Variants in REDIC1 observed in about 807,000 individuals in gnomAD.
REDIC1 encodes the protein HEI10 Interacting Protein 1.
the REDIC1 span, chr12:39,692,274 AT>A: frequency 3.2e-6 from 2 of 619,162 alleles, no homozygotes; most frequent in Admixed American, 4.2e-5. Flanking sequence ...TTACTTTTAT[AT>A]TTTATTAAAT....
the REDIC1 span, among the ~76,000 whole-genome samples, chr12:39,724,618 T>C: frequency 6.6e-6 from 1 of 152,112 alleles, no homozygotes; most frequent in East Asian, 1.9e-4. Flanking sequence ...TTATGACAAG[T>C]AGATGGATGA....
the REDIC1 span, among the ~76,000 whole-genome samples, chr12:39,697,085 T>C: frequency 6.6e-6 from 1 of 151,554 alleles, no homozygotes; most frequent in African/African-American, 2.4e-5. Flanking sequence ...CTCCTAAAGA[T>C]CAAGAATAAA....
the REDIC1 span, among the ~76,000 whole-genome samples, chr12:39,811,193 C>A: frequency 6.6e-6 from 1 of 151,994 alleles, no homozygotes; most frequent in African/African-American, 2.4e-5. Context: ...AAAGTTGGGT[C>A]TCCTTTTCTC....
the REDIC1 span, among the ~76,000 whole-genome samples, chr12:39,855,978 C>G: frequency 6.6e-6 from 1 of 152,176 alleles, no homozygotes. Flanking sequence ...CAGAGACCTG[C>G]AGGCTTGAAC....
the REDIC1 span, among the ~76,000 whole-genome samples, chr12:39,691,554 C>T: frequency 2.0e-5 from 3 of 151,928 alleles, no homozygotes; most frequent in Non-Finnish European, 2.9e-5. Context: ...ACTCAGGGTT[C>T]GTTTGCTTTG....
the REDIC1 span, among the ~76,000 whole-genome samples, chr12:39,649,282 C>A: frequency 1.3e-5 from 2 of 151,054 alleles, no homozygotes; most frequent in Non-Finnish European, 3.0e-5. Flanking sequence ...GGAGGAATTT[C>A]AAAAAAAGTG....
the REDIC1 span, among the ~76,000 whole-genome samples, chr12:39,732,475 A>G: frequency 1.1e-4 from 16 of 152,182 alleles, no homozygotes; most frequent in Non-Finnish European, 1.2e-4. Flanking sequence ...TTGGTGTTCA[A>G]TGTCTAGATC....
chr12:39,850,382 T>TTACA, the REDIC1 span, among the ~76,000 whole-genome samples: 1 of 152,192 alleles, frequency 6.6e-6, no homozygotes, highest in African/African-American at 2.4e-5. Flanking sequence ...TGCTCTGCAG[T>TTACA]TGAACTGAGC....
the REDIC1 span, among the ~76,000 whole-genome samples, chr12:39,740,911 A>G: frequency 6.6e-6 from 1 of 152,188 alleles, no homozygotes; most frequent in Non-Finnish European, 1.5e-5. Context: ...ATCTGAATAA[A>G]CCATATTTTA....
chr12:39,701,297 G>T, the REDIC1 span, among the ~76,000 whole-genome samples: 2 of 152,090 alleles, frequency 1.3e-5, no homozygotes, highest in East Asian at 3.9e-4. Flanking sequence ...CTGGTCTCTG[G>T]TAAAACAGAC....
chr12:39,784,164 G>C, the REDIC1 span, among the ~76,000 whole-genome samples: 1 of 152,176 alleles, frequency 6.6e-6, no homozygotes, highest in Non-Finnish European at 1.5e-5. Context: ...GTAATTTATA[G>C]ATTCAATGCC....
At chr12:39,807,795 C>T in the REDIC1 span, among the ~76,000 whole-genome samples, 1 of 152,066 alleles carries the variant, frequency 6.6e-6, no homozygotes, top group African/African-American at 2.4e-5. Context: ...GTGAGTCTAG[C>T]TATAAAAGTT....
chr12:39,707,998 AC>A, the REDIC1 span, among the ~76,000 whole-genome samples: 1 of 151,834 alleles, frequency 6.6e-6, no homozygotes, highest in Non-Finnish European at 1.5e-5. Context: ...AAGAATGGTT[AC>A]TAGAGGCTAG....
the REDIC1 span, among the ~76,000 whole-genome samples, chr12:39,869,316 G>A: frequency 6.6e-6 from 1 of 152,128 alleles, no homozygotes; most frequent in African/African-American, 2.4e-5. Context: ...TCTTCTAGTA[G>A]GACCTATTTA....
the REDIC1 span, among the ~76,000 whole-genome samples, chr12:39,705,151 A>T: frequency 1.3e-5 from 2 of 152,060 alleles, no homozygotes; most frequent in African/African-American, 2.4e-5. Context: ...TTATAACAGG[A>T]ATTCAAAGGA....
the REDIC1 span, among the ~76,000 whole-genome samples, chr12:39,740,490 T>C: frequency 6.6e-6 from 1 of 152,202 alleles, no homozygotes; most frequent in Non-Finnish European, 1.5e-5. Flanking sequence ...AAAAACCATG[T>C]GCTGTAAATT....
At chr12:39,701,543 C>A in the REDIC1 span, among the ~76,000 whole-genome samples, 2 of 151,928 alleles carry the variant, frequency 1.3e-5, no homozygotes, top group Admixed American at 6.6e-5. Context: ...GACAGAAGGT[C>A]AGCAAGGATA....
chr12:39,626,977 T>C, the REDIC1 span, among the ~76,000 whole-genome samples: 21 of 152,372 alleles, frequency 1.4e-4, no homozygotes, highest in African/African-American at 4.6e-4. Flanking sequence ...TTCATTGTTA[T>C]TGACCTTAAA....
the REDIC1 span, chr12:39,864,975 A>G: frequency 8.5e-7 from 1 of 1,180,022 alleles, no homozygotes. Context: ...AAACAAAGAA[A>G]CAAACAAAAA....
Sources: gnomAD v4.1 joint callset for allele counts (sites outside exome capture counted in the v4.1 genomes callset) on GRCh38, gnomAD v4.1.1 for gene constraint, MANE v1.5 for transcripts, NCBI Gene and HGNC (gene_info 2026-07-23, HGNC 2026-07-21) for gene names.